MED13: variants seen among roughly 807,000 people sequenced by gnomAD.
MED13 encodes mediator of RNA polymerase II transcription subunit 13.
A neutral mutation model predicts 225.2 loss-of-function variants in MED13; 23 were observed. The ratio of observed to expected loss-of-function variants is 0.10; its 90% confidence interval spans 0.07 to 0.14. The LOEUF is 0.14. MED13 is among the 10% of genes least tolerant of loss of function. The pLI is 1.00. For missense variants in MED13, 2,197 were observed against 2,594.5 expected (o/e 0.85, Z 3.33); for synonymous variants, 942 against 889.2 (o/e 1.06, Z -1.06).
intron 3 of MED13, among the ~76,000 whole-genome samples, chr17:62,051,346 AG>A (rs556299796): frequency 5.5e-4 from 84 of 152,334 alleles, no homozygotes; most frequent in Middle Eastern, 3.4e-3. Context: ...AAAATGGCAC[AG>A]AGAAAACTCT....
chr17:61,968,730 G>C (rs2080080995), intron 17 of MED13, among the ~76,000 whole-genome samples: 1 of 152,138 alleles, frequency 6.6e-6, no homozygotes, highest in Non-Finnish European at 1.5e-5. Context: ...TCAACATTAA[G>C]GAATTTCCTA....
At chr17:61,946,621 A>G (rs202087016) in intron 29 of MED13, 21 bp from the exon 30 acceptor site, 49 of 1,604,658 alleles carry the variant, frequency 3.1e-5, no homozygotes, top group Non-Finnish European at 3.8e-5. Context: ...AATAAACTGC[A>G]TAAGTCATTT....
chr17:62,046,646 A>T (rs2080900091), intron 3 of MED13, among the ~76,000 whole-genome samples: 1 of 152,034 alleles, frequency 6.6e-6, no homozygotes, highest in Admixed American at 6.6e-5. Flanking sequence ...AGACCAGCCT[A>T]GGCAACATGG....
chr17:62,007,360 T>A (rs1555637335), intron 9 of MED13: 1 of 152,170 alleles, frequency 6.6e-6, no homozygotes, highest in Non-Finnish European at 1.5e-5. Flanking sequence ...CAACGGAATG[T>A]TATTTTTAAA....
intron 8 of MED13, among the ~76,000 whole-genome samples, chr17:62,028,920 A>G (rs1019101497): frequency 6.6e-6 from 1 of 152,166 alleles, no homozygotes; most frequent in African/African-American, 2.4e-5. Flanking sequence ...CACTTTGGAA[A>G]GCCAAGGGGA....
chr17:61,952,610 A>G (rs1250213492), intron 27 of MED13, among the ~76,000 whole-genome samples: 2 of 152,196 alleles, frequency 1.3e-5, no homozygotes, highest in Non-Finnish European at 2.9e-5. Context: ...TGTACTGTTA[A>G]TTAATCTCAA....
Position 61,943,433 on chromosome 17 carries a change from T to C in MED13, c.*3035A>G, listed in dbSNP as rs572262470. Reference sequence around the variant, plus strand: ...TCTGCAAATCTTTGTAGTAACACATTAAGTTAAAAAATTACCTCAGAAGGT... The same window carrying C: ...TCTGCAAATCTTTGTAGTAACACATCAAGTTAAAAAATTACCTCAGAAGGT... On this transcript the variant is annotated 3_prime_UTR_variant, in exon 30 of 30. Coordinates refer to ENST00000397786, the MANE Select transcript of MED13 (RefSeq NM_005121.3). 1 of 152,714 alleles carries C rather than the reference T, an allele frequency of 6.5e-6. No homozygotes were observed. The highest frequency in any genetic ancestry group is 1.5e-5 in the Non-Finnish European group (1 of 67,994). The allele number at this position is 152,714 out of a possible 1,614,324, so 9.5% of individuals were successfully genotyped here.
chr17:61,986,191 T>C (rs2080245983), intron 12 of MED13, among the ~76,000 whole-genome samples: 1 of 152,162 alleles, frequency 6.6e-6, no homozygotes, highest in South Asian at 2.1e-4. Flanking sequence ...CCCTAAAATG[T>C]ACTACATTAT....
chr17:61,954,296 C>A (rs548832102), intron 26 of MED13, among the ~76,000 whole-genome samples: 1 of 152,148 alleles, frequency 6.6e-6, no homozygotes, highest in Non-Finnish European at 1.5e-5. Flanking sequence ...TTTATTTTCT[C>A]TTCTACTAAA....
At chr17:61,974,126 G>T (rs1567952807) in intron 16 of MED13, among the ~76,000 whole-genome samples, 1 of 152,050 alleles carries the variant, frequency 6.6e-6, no homozygotes, top group Non-Finnish European at 1.5e-5. Flanking sequence ...AATGCTAACG[G>T]GCCGGGCTTG....
intron 9 of MED13, 29 bp downstream of exon 9, chr17:62,010,521 T>C: frequency 7.3e-7 from 1 of 1,368,796 alleles, no homozygotes; most frequent in Non-Finnish European, 9.6e-7. Flanking sequence ...CCTTAAATTA[T>C]AATGGTGACT....
chr17:62,046,071 T>G (rs1470467027), intron 3 of MED13, among the ~76,000 whole-genome samples: 1 of 152,238 alleles, frequency 6.6e-6, no homozygotes, highest in African/African-American at 2.4e-5. Context: ...TTCAGAATAC[T>G]TATACCAAAA....
At chr17:61,999,146 G>A (rs2080371712) in intron 9 of MED13, among the ~76,000 whole-genome samples, 1 of 152,020 alleles carries the variant, frequency 6.6e-6, no homozygotes, top group Non-Finnish European at 1.5e-5. Context: ...ATGTTTTAGA[G>A]ATCAAATAAT....
At chr17:61,975,507 G>A (rs553397234) in intron 16 of MED13, among the ~76,000 whole-genome samples, 191 of 152,274 alleles carry the variant, frequency 1.3e-3, no homozygotes, top group African/African-American at 4.3e-3. Context: ...TATATTGCTG[G>A]TAGTTATGTA....
At position 62,017,378 on chromosome 17, in the gene MED13, G is replaced by C. The variant is rs148845008; in HGVS notation, c.1284-6145C>G. ...TTCAATTAACAAAAGAACAAAAATA[G>C]AACACCAAACTTCTAAATCAAGAGA... is the stretch of plus-strand genomic sequence containing the variant. On this transcript the variant is annotated intron_variant, in intron 8 of 29. Coordinates refer to ENST00000397786, the MANE Select transcript of MED13 (RefSeq NM_005121.3). 1.8e-3 allele frequency among the ~76,000 whole-genome samples: 279 copies of C among 151,574 alleles called. 3 individuals carry two copies. The East Asian group carries it at 0.024, about 13-fold the overall frequency.
At chr17:61,971,162 A>G (rs1603394165) in intron 17 of MED13, among the ~76,000 whole-genome samples, 2 of 152,150 alleles carry the variant, frequency 1.3e-5, no homozygotes, top group African/African-American at 4.8e-5. Flanking sequence ...ATATTATCAT[A>G]TGTAAGGAAC....
intron 3 of MED13, among the ~76,000 whole-genome samples, chr17:62,043,976 C>G (rs887275044): frequency 2.0e-5 from 3 of 151,872 alleles, no homozygotes; most frequent in Non-Finnish European, 4.4e-5. Flanking sequence ...GGAAATGAGT[C>G]CATAAAAAAC....
rs1350722030 is a variant in MED13 at position 61,953,039 on chromosome 17, G to A, written c.6043C>T (p.Leu2015Phe). Residue 2015 changes from leucine (L) to phenylalanine (F), a missense_variant, in exon 27 of 30, where the codon CTT becomes TTT. By Grantham distance (22) the Leu-to-Phe change is conservative. Transcript: ENST00000397786. Reference sequence around the variant, plus strand: ...GGAGAACCAGTTGGAGAAGCAGGAAGGATATTAATGATATCAGGGTCAAGA... The same window carrying A: ...GGAGAACCAGTTGGAGAAGCAGGAAAGATATTAATGATATCAGGGTCAAGA... ...DDLDPDIINI[L>F]PASPTGSPVH... 1 of 1,613,738 alleles carries A rather than the reference G, an allele frequency of 6.2e-7. No homozygotes were observed. The highest frequency in any genetic ancestry group is 8.5e-7 in the Non-Finnish European group (1 of 1,179,666).
intron 11 of MED13, among the ~76,000 whole-genome samples, chr17:61,990,792 G>GT (rs2080291781): frequency 6.6e-6 from 1 of 152,012 alleles, no homozygotes; most frequent in African/African-American, 2.4e-5. Context: ...TTCACAAGGA[G>GT]TTTAAGTCAG....
Sources: gnomAD v4.1 joint callset for allele counts (sites outside exome capture counted in the v4.1 genomes callset) on GRCh38, gnomAD v4.1.1 for gene constraint, MANE v1.5 for transcripts, NCBI Gene and HGNC (gene_info 2026-07-23, HGNC 2026-07-21) for gene names.